Variants in RAB12 observed in about 807,000 individuals in gnomAD.
RAB12 encodes RAB12, member RAS oncogene family.
A neutral mutation model predicts 28.4 loss-of-function variants in RAB12; 11 were observed. That is an observed-to-expected ratio of 0.39 (90% CI 0.24 to 0.64). The LOEUF (loss-of-function observed/expected upper bound fraction) is 0.64, where lower values mean the gene tolerates loss of function less well. Ranked by LOEUF, RAB12 falls within the 30% of genes least tolerant of loss-of-function variation. The probability of loss-of-function intolerance (pLI) is 0.50; values close to 1 mark genes in which losing one functional copy is unlikely to be tolerated. For synonymous variants in RAB12, 138 were observed against 145.3 expected (o/e 0.95, Z 0.36); for missense variants, 276 against 351.1 (o/e 0.79, Z 1.71).
At chr18:8,622,982 C>A (rs868016032) in intron 1 of RAB12, among the ~76,000 whole-genome samples, 2 of 152,196 alleles carry the variant, frequency 1.3e-5, no homozygotes, top group Non-Finnish European at 2.9e-5. Context: ...AAGGTGATCT[C>A]TCTTGTTCCC....
chr18:8,627,419 T>G (rs1284773228), intron 2 of RAB12, among the ~76,000 whole-genome samples: 1 of 152,240 alleles, frequency 6.6e-6, no homozygotes, highest in Non-Finnish European at 1.5e-5. Flanking sequence ...TCCTAAAAGC[T>G]AAAAGTACCA....
intron 5 of RAB12, 72 bp downstream of exon 5, chr18:8,636,429 GAGAATTTTGTATTT>G: frequency 1.0e-6 from 1 of 991,924 alleles, no homozygotes; most frequent in Non-Finnish European, 1.5e-6. Flanking sequence ...CTTTTTTATT[GAGAATTTTGTATTT>G]AGAAACCAAA....
rs368284042 is a variant in RAB12, at chr18:8,636,130, G to T, written c.805-123G>T. On this transcript the variant is annotated intron_variant, in intron 4 of 5. Transcript: ENST00000649141. ...ACACTTGTGAACTTTATCTTTGAGC[G>T]TCAGTGGGACTTTCTACCCCTTAAT... is the stretch of plus-strand genomic sequence containing the variant. 5 of 678,602 alleles carry T rather than the reference G, an allele frequency of 7.4e-6. No individual in the cohort carries two copies. The Admixed American group carries it at 7.5e-5, about 10-fold the overall frequency. The allele number at this position is 678,602 out of a possible 1,614,324, so 42.0% of individuals were successfully genotyped here. A position where few individuals can be genotyped will look rare whatever the true frequency, so the allele number is the denominator to read the frequency against.
At chr18:8,614,219 A>G (rs753904919) in intron 1 of RAB12, among the ~76,000 whole-genome samples, 2 of 152,212 alleles carry the variant, frequency 1.3e-5, no homozygotes, top group Non-Finnish European at 2.9e-5. Flanking sequence ...ATCCTATGGT[A>G]TTAGTGAAAC....
At chr18:8,633,359 C>T in intron 3 of RAB12, 32 bp downstream of exon 3, 5 of 1,611,274 alleles carry the variant, frequency 3.1e-6, no homozygotes, top group Non-Finnish European at 4.2e-6. Flanking sequence ...CCAATGTGAA[C>T]TCTCTGCTTG....
chr18:8,615,057 G>A (rs1423130266), intron 1 of RAB12, among the ~76,000 whole-genome samples: 1 of 152,216 alleles, frequency 6.6e-6, no homozygotes, highest in South Asian at 2.1e-4. Flanking sequence ...TGACATGGGG[G>A]TGCACTCAGG....
chr18:8,637,888 A>G (rs1420813189), intron 5 of RAB12, among the ~76,000 whole-genome samples: 3 of 152,244 alleles, frequency 2.0e-5, no homozygotes, highest in Admixed American at 6.5e-5. Flanking sequence ...GTGGATCATC[A>G]TAAAGGTCTT....
intron 1 of RAB12, among the ~76,000 whole-genome samples, chr18:8,623,475 GAC>G (rs2096011018): frequency 1.3e-5 from 2 of 152,206 alleles, no homozygotes; most frequent in African/African-American, 4.8e-5. Flanking sequence ...TTAATATGAA[GAC>G]AGTGTTTTGT....
At chr18:8,624,087 G>T (rs2096011384) in intron 1 of RAB12, among the ~76,000 whole-genome samples, 1 of 152,240 alleles carries the variant, frequency 6.6e-6, no homozygotes, top group Admixed American at 6.5e-5. Context: ...GGGGAGCTGG[G>T]ATCGTCTACA....
intron 1 of RAB12, among the ~76,000 whole-genome samples, chr18:8,613,046 ATT>A (rs2096004716): frequency 1.3e-5 from 2 of 152,270 alleles, no homozygotes; most frequent in Admixed American, 1.3e-4. Flanking sequence ...ATGATGAACT[ATT>A]ATGTAAAATT....
chr18:8,634,129 A>G (rs149110563), intron 3 of RAB12, among the ~76,000 whole-genome samples: 43 of 152,078 alleles, frequency 2.8e-4, no homozygotes, highest in African/African-American at 1.0e-3. Context: ...TTGATGATGT[A>G]TGCCTCTTTA....
At chr18:8,631,187 G>A (rs2096015784) in intron 2 of RAB12, among the ~76,000 whole-genome samples, 1 of 152,192 alleles carries the variant, frequency 6.6e-6, no homozygotes, top group Non-Finnish European at 1.5e-5. Context: ...ACTGCGCCCG[G>A]CCTAACAAGG....
At chr18:8,632,562 C>T (rs1170776768) in intron 2 of RAB12, among the ~76,000 whole-genome samples, 1 of 152,098 alleles carries the variant, frequency 6.6e-6, no homozygotes, top group East Asian at 1.9e-4. Context: ...CCACATGTGC[C>T]CCACGCCTGC....
At chr18:8,637,279 A>T (rs1444118252) in intron 5 of RAB12, among the ~76,000 whole-genome samples, 4 of 56,770 alleles carry the variant, frequency 7.0e-5, no homozygotes, top group South Asian at 5.0e-4. Context: ...GTCTCTATTT[A>T]AAAAAAAAAA....
chr18:8,637,235 C>G (rs1403730311), intron 5 of RAB12, among the ~76,000 whole-genome samples: 1 of 150,596 alleles, frequency 6.6e-6, no homozygotes, highest in South Asian at 2.1e-4. Context: ...ATGATCGTAT[C>G]TACACTCCAG....
intron 3 of RAB12, among the ~76,000 whole-genome samples, chr18:8,634,228 C>T (rs1344370684): frequency 1.1e-5 from 1 of 89,826 alleles, no homozygotes; most frequent in Non-Finnish European, 2.8e-5. Flanking sequence ...TCACTTGAAC[C>T]CAGGAGGTCG....
At chr18:8,624,145 T>A (rs1199145658) in intron 1 of RAB12, among the ~76,000 whole-genome samples, 1 of 152,254 alleles carries the variant, frequency 6.6e-6, no homozygotes, top group Admixed American at 6.5e-5. Context: ...GTAGGGAAGG[T>A]GCCTCTAATT....
At chr18:8,633,736 C>T (rs1192902640) in intron 3 of RAB12, among the ~76,000 whole-genome samples, 2 of 152,190 alleles carry the variant, frequency 1.3e-5, no homozygotes, top group African/African-American at 4.8e-5. Context: ...CACGCGCCTC[C>T]GTCACCCACT....
chr18:8,624,430 A>G (rs570794321), intron 1 of RAB12, among the ~76,000 whole-genome samples: 1 of 152,200 alleles, frequency 6.6e-6, no homozygotes, highest in African/African-American at 2.4e-5. Flanking sequence ...CTCACTGTTG[A>G]TCATATAATG....
Sources: allele counts gnomAD v4.1 joint callset (sites outside exome capture counted in the v4.1 genomes callset), GRCh38; gene constraint gnomAD v4.1.1; transcripts MANE v1.5; gene names NCBI Gene and HGNC (gene_info 2026-07-23, HGNC 2026-07-21).